The following CD80 variants were observed in gnomAD, a reference collection of about 807,000 sequenced individuals.
CD80 encodes T-lymphocyte activation antigen CD80.
A neutral mutation model predicts 27.1 loss-of-function variants in CD80; 13 were observed. That is an observed-to-expected ratio of 0.48 (90% CI 0.31 to 0.76). The LOEUF (loss-of-function observed/expected upper bound fraction) is 0.76, where lower values mean the gene tolerates loss of function less well. Among genes scored for constraint, CD80 ranks in the 30% least tolerant of loss-of-function variants. CD80 has a pLI of 0.04. For missense variants in CD80, 277 were observed against 347.9 expected, an observed-to-expected ratio of 0.80 and a Z score of 1.62; for synonymous variants, 125 against 125.5, an observed-to-expected ratio of 1.00 and a Z score of 0.03.
At chr3:119,533,676 T>C (rs2082121412) in intron 4 of CD80, among the ~76,000 whole-genome samples, 1 of 152,192 alleles carries the variant, frequency 6.6e-6, no homozygotes, top group South Asian at 2.1e-4. Flanking sequence ...CATGACTTGC[T>C]CCTCCTTGCC....
At chr3:119,548,160 T>C (rs1221681492) in intron 2 of CD80, among the ~76,000 whole-genome samples, 1 of 152,186 alleles carries the variant, frequency 6.6e-6, no homozygotes, top group Middle Eastern at 3.4e-3. Context: ...TTTGTATTTT[T>C]AGTAGAGACA....
chr3:119,534,151 C>T (rs1248456535), intron 4 of CD80, among the ~76,000 whole-genome samples: 1 of 152,050 alleles, frequency 6.6e-6, no homozygotes. Context: ...AGATGGATCA[C>T]CTGAGATCAG....
intron 2 of CD80, among the ~76,000 whole-genome samples, chr3:119,549,744 C>G (rs2082221423): frequency 1.3e-5 from 2 of 152,128 alleles, no homozygotes; most frequent in South Asian, 4.1e-4. Context: ...ACCTCTTCAG[C>G]AATTGTGTGG....
chr3:119,552,513 CAAAAAAAAAA>C (rs11369803), intron 2 of CD80, among the ~76,000 whole-genome samples: 2 of 31,288 alleles, frequency 6.4e-5, no homozygotes, highest in Admixed American at 1.0e-3. Context: ...GACTCTGTCT[CAAAAAAAAAA>C]AAAAAAAAAA....
At chr3:119,557,296 G>A (rs372867056) in intron 2 of CD80, among the ~76,000 whole-genome samples, 11 of 152,190 alleles carry the variant, frequency 7.2e-5, no homozygotes, top group East Asian at 1.9e-4. Flanking sequence ...GGCCAGTATC[G>A]GCACATCACA....
At chr3:119,542,019 T>C (rs9877891) in intron 3 of CD80, among the ~76,000 whole-genome samples, 22,947 of 150,950 alleles carry the variant, frequency 0.15, 1,924 homozygotes, top group East Asian at 0.33. Flanking sequence ...ACGTACCTAA[T>C]GTAATTAACT....
At chr3:119,552,981 A>G (rs2082242542) in intron 2 of CD80, among the ~76,000 whole-genome samples, 1 of 152,100 alleles carries the variant, frequency 6.6e-6, no homozygotes, top group African/African-American at 2.4e-5. Flanking sequence ...AGCTGCAAAT[A>G]GGCGCAGGTT....
chr3:119,544,643 A>G lies in CD80; in HGVS notation c.325T>C (p.Ser109Pro). The G allele has an allele frequency of 2.5e-6, 4 of 1,614,102 alleles. No individual in the cohort carries two copies. Among genetic ancestry groups the G allele is most frequent in the Non-Finnish European group, 3.4e-6 (4 of 1,179,940 alleles). The change falls in exon 3 of 7, where the codon TCT becomes CCT. Residue 109 changes from serine (S) to proline (P), a missense_variant. Transcript: ENST00000264246. ...LSIVILALRP[S>P]DEGTYECVVL... is the part of the protein sequence containing the mutation. ...ACACACTCGTATGTGCCCTCGTCAG[A>G]TGGGCGCAGAGCCAGGATCACAATG...
intron 6 of CD80, 131 bp from the exon 7 acceptor site, chr3:119,525,880 T>TAAA (rs2082063132): frequency 7.5e-6 from 1 of 132,662 alleles, no homozygotes; most frequent in Non-Finnish European, 1.6e-5. Context: ...ATATATAATT[T>TAAA]AATTATATAT....
chr3:119,548,250 G>A (rs1047342593), intron 2 of CD80, among the ~76,000 whole-genome samples: 5 of 152,144 alleles, frequency 3.3e-5, no homozygotes, highest in African/African-American at 1.2e-4. Flanking sequence ...CCAAAATGCT[G>A]GGATTACAAG....
intron 3 of CD80, among the ~76,000 whole-genome samples, chr3:119,543,567 C>T (rs2082183478): frequency 6.7e-6 from 1 of 149,012 alleles, no homozygotes; most frequent in Admixed American, 6.7e-5. Context: ...AGTGATTCTC[C>T]TGCCTCAGCC....
chr3:119,534,284 A>G (rs1048239819), intron 4 of CD80, among the ~76,000 whole-genome samples: 2 of 151,756 alleles, frequency 1.3e-5, no homozygotes, highest in African/African-American at 4.8e-5. Context: ...AGGCAGGAGA[A>G]TCGTTTGAAC....
In CD80 at chr3:119,556,847, T is replaced by TA. The variant is rs1261489886; in HGVS notation, c.100+781dup. ...AAAACAGATCTTTTGTTTTCTGACT[T>TA]AAAAAAAAAAATCAGAACCATCCTG... On this transcript the variant is annotated intron_variant, in intron 2 of 6. Coordinates refer to ENST00000264246, the MANE Select transcript of CD80 (RefSeq NM_005191.4). Among the ~76,000 whole-genome samples the TA allele has an allele frequency of 6.3e-3, 930 of 147,864 alleles. 11 individuals are homozygous for TA. The highest frequency in any genetic ancestry group is 0.02 in the African/African-American group (827 of 40,506).
intron 4 of CD80, among the ~76,000 whole-genome samples, chr3:119,534,694 A>G (rs897893791): frequency 2.2e-4 from 33 of 152,228 alleles, no homozygotes; most frequent in Non-Finnish European, 2.9e-5. Flanking sequence ...AGAATAATGT[A>G]AAATTGGTTA....
intron 4 of CD80, among the ~76,000 whole-genome samples, chr3:119,530,835 G>A (rs2082105924): frequency 6.6e-6 from 1 of 152,118 alleles, no homozygotes; most frequent in Admixed American, 6.5e-5. Context: ...TTTTCTTCAT[G>A]CTGAAGTTTT....
At chr3:119,531,754 C>T (rs576363499) in intron 4 of CD80, among the ~76,000 whole-genome samples, 1 of 152,170 alleles carries the variant, frequency 6.6e-6, no homozygotes, top group Admixed American at 6.5e-5. Flanking sequence ...ATCTCTGCCT[C>T]CCGAGTTCAA....
chr3:119,530,854 C>T (rs913648763), intron 4 of CD80, among the ~76,000 whole-genome samples: 3 of 152,158 alleles, frequency 2.0e-5, no homozygotes, highest in Non-Finnish European at 2.9e-5. Flanking sequence ...TTATTTAAAA[C>T]ATAAAAGAAA....
chr3:119,546,693 C>T (rs1451155507), intron 2 of CD80, among the ~76,000 whole-genome samples: 1 of 152,088 alleles, frequency 6.6e-6, no homozygotes, highest in Non-Finnish European at 1.5e-5. Context: ...AGGTAATTTT[C>T]AGCTACTACT....
intron 4 of CD80, among the ~76,000 whole-genome samples, chr3:119,534,522 A>ATATTTAC (rs796730086): frequency 5.9e-5 from 9 of 152,306 alleles, no homozygotes; most frequent in African/African-American, 2.2e-4. Flanking sequence ...AAAGCTTAAA[A>ATATTTAC]TATTTACTAT....
Sources: gnomAD v4.1 joint callset for allele counts (sites outside exome capture counted in the v4.1 genomes callset) on GRCh38, gnomAD v4.1.1 for gene constraint, MANE v1.5 for transcripts, NCBI Gene and HGNC (gene_info 2026-07-23, HGNC 2026-07-21) for gene names.